The following WDR43 variants were observed in gnomAD, a reference collection of about 807,000 sequenced individuals.
WDR43 encodes WD repeat domain 43, also known as WD repeat-containing protein 43.
In WDR43, 13 loss-of-function variants were observed where a neutral mutation model predicts 91.4. The ratio of observed to expected loss-of-function variants is 0.14; its 90% CI spans 0.09 to 0.23. The LOEUF (loss-of-function observed/expected upper bound fraction) is 0.23, where lower values mean the gene tolerates loss of function less well. WDR43 is among the 10% of genes least tolerant of loss of function. The pLI, the probability that WDR43 is intolerant of heterozygous loss-of-function variation, is 1.00. For synonymous variants in WDR43, 331 were observed against 287.9 expected, an observed-to-expected ratio of 1.15 and a Z score of -1.51; for missense variants, 780 against 809.4, an observed-to-expected ratio of 0.96 and a Z score of 0.44.
chr2:28,933,348 A>C (rs947115264), intron 11 of WDR43, among the ~76,000 whole-genome samples: 2 of 152,194 alleles, frequency 1.3e-5, no homozygotes, highest in Non-Finnish European at 2.9e-5. Context: ...AAAAAAATGG[A>C]TCTCAGTTTT....
chr2:28,942,343 C>G lies in WDR43; in HGVS notation c.1766C>G (p.Thr589Ser). ...GCATCAGAGAAGACAAAGGGAGCAA[C>G]TTCCCCTGGACAGAAGGCAAAGTTG... ...VTASEKTKGA[T>S]SPGQKAKLVY... The change falls in exon 16 of 18, where the codon ACT becomes AGT. Residue 589 changes from threonine (T) to serine (S), a missense_variant. By Grantham distance (58) the Thr-to-Ser change is moderately conservative. Around this residue, in one of 4 missense-constraint regions of WDR43, gnomAD observed 426 missense variants for 467.8 expected, o/e 0.91. Transcript: ENST00000407426. 1.2e-6 allele frequency: 2 copies of G among 1,613,558 alleles called. No individual in the cohort carries two copies. Among genetic ancestry groups the G allele is most frequent in the Non-Finnish European group, 1.7e-6 (2 of 1,179,684 alleles).
chr2:28,901,272 A>T (rs1399219036), intron 1 of WDR43, among the ~76,000 whole-genome samples: 3 of 152,220 alleles, frequency 2.0e-5, no homozygotes, highest in Non-Finnish European at 4.4e-5. Flanking sequence ...AGTTAGGGTC[A>T]TTGTCTTTTT....
intron 1 of WDR43, among the ~76,000 whole-genome samples, chr2:28,898,937 A>G (rs750364290): frequency 6.6e-6 from 1 of 152,184 alleles, no homozygotes; most frequent in African/African-American, 2.4e-5. Context: ...CCTTGCTTTT[A>G]TAAATTATGC....
intron 16 of WDR43, among the ~76,000 whole-genome samples, chr2:28,943,299 A>G (rs557126714): frequency 5.7e-4 from 87 of 152,016 alleles, no homozygotes; most frequent in South Asian, 2.7e-3. Flanking sequence ...TGCCTGGCCA[A>G]TTTTCTTTTT....
intron 3 of WDR43, among the ~76,000 whole-genome samples, chr2:28,909,992 G>C (rs1431855097): frequency 6.7e-6 from 1 of 149,732 alleles, no homozygotes; most frequent in Non-Finnish European, 1.5e-5. Flanking sequence ...CATTCCACTG[G>C]AACCAGTTAC....
chr2:28,925,189 C>T lies in WDR43; in HGVS notation c.1086+36C>T, dbSNP rs550789438. 229 of 1,556,344 alleles carry T rather than the reference C, an allele frequency of 1.5e-4. 1 individual carries two copies. The South Asian group carries it at 2.5e-3, about 17-fold the overall frequency. On this transcript the variant is annotated intron_variant, in intron 8 of 17. Coordinates refer to ENST00000407426, the MANE Select transcript of WDR43 (RefSeq NM_015131.3). Reference sequence around the variant, plus strand: ...GCTACTCTGGAGTAAAGCAATATAGCATCCCTGTGTCCATGGAAGAGAGTG... The same window carrying T: ...GCTACTCTGGAGTAAAGCAATATAGTATCCCTGTGTCCATGGAAGAGAGTG...
chr2:28,943,487 T>A (rs1033787094), intron 16 of WDR43, among the ~76,000 whole-genome samples: 1 of 152,200 alleles, frequency 6.6e-6, no homozygotes, highest in Non-Finnish European at 1.5e-5. Context: ...CCAAGTATAA[T>A]CTTGATAACA....
chr2:28,896,353 A>C (rs1027637965), intron 1 of WDR43, among the ~76,000 whole-genome samples: 1 of 152,120 alleles, frequency 6.6e-6, no homozygotes, highest in African/African-American at 2.4e-5. Flanking sequence ...TATCTTCTTC[A>C]TAGAGTGGTT....
intron 15 of WDR43, 72 bp from the exon 16 acceptor site, chr2:28,942,240 G>T: frequency 6.8e-7 from 1 of 1,460,930 alleles, no homozygotes; most frequent in Non-Finnish European, 9.4e-7. Context: ...GGGAAGGTTG[G>T]GTATGCTGGT....
At chr2:28,906,667 AG>A in intron 3 of WDR43, 86 bp downstream of exon 3, 1 of 1,432,982 alleles carries the variant, frequency 7.0e-7, no homozygotes, top group Non-Finnish European at 9.2e-7. Context: ...ATAAGGTTAT[AG>A]GTTCCATTTA....
chr2:28,925,245 A>T, intron 8 of WDR43, 92 bp downstream of exon 8: 1 of 1,189,886 alleles, frequency 8.4e-7, no homozygotes, highest in Non-Finnish European at 1.1e-6. Context: ...GGTCTTTAAG[A>T]TAAATAATAT....
At position 28,913,957 on chromosome 2, in the gene WDR43, G is replaced by C. The variant is rs545434949; in HGVS notation, c.607-112G>C. ...TTGAATTGAACAGTTACTTCATCGT[G>C]GAGCTCTCCTTTCCGATATGTATCA... On this transcript the variant is annotated intron_variant, in intron 4 of 17. Transcript: ENST00000407426. 7 of 1,218,106 alleles carry C rather than the reference G, an allele frequency of 5.7e-6. No homozygotes were observed. The African/African-American group carries it at 7.6e-5, about 13-fold the overall frequency. 75.5% of individuals were successfully genotyped at this position (1,218,106 alleles called of 1,614,324 possible).
chr2:28,935,244 C>T (rs946004105), intron 11 of WDR43, among the ~76,000 whole-genome samples: 1 of 152,054 alleles, frequency 6.6e-6, no homozygotes, highest in Non-Finnish European at 1.5e-5. Flanking sequence ...ATTCAAACGT[C>T]TAGAGATGTT....
At chr2:28,935,024 A>C (rs998152525) in intron 11 of WDR43, among the ~76,000 whole-genome samples, 3 of 152,138 alleles carry the variant, frequency 2.0e-5, no homozygotes, top group Non-Finnish European at 4.4e-5. Flanking sequence ...CTGGGTCTCC[A>C]CCATAGATGT....
intron 6 of WDR43, among the ~76,000 whole-genome samples, chr2:28,922,659 CTT>C (rs1428642046): frequency 6.6e-6 from 1 of 152,148 alleles, no homozygotes; most frequent in Admixed American, 6.5e-5. Flanking sequence ...TTGGTAGTAA[CTT>C]TGTTCATCTA....
At chr2:28,922,525 C>T (rs933370460) in intron 6 of WDR43, among the ~76,000 whole-genome samples, 2 of 152,008 alleles carry the variant, frequency 1.3e-5, no homozygotes, top group Non-Finnish European at 2.9e-5. Context: ...TTACATTGAC[C>T]GGGGATGGAG....
chr2:28,902,390 A>G (rs1228794147), intron 2 of WDR43, among the ~76,000 whole-genome samples: 5 of 152,254 alleles, frequency 3.3e-5, no homozygotes, highest in Admixed American at 3.3e-4. Flanking sequence ...GGAATCATAG[A>G]TAGCAGCTGT....
At chr2:28,944,491 G>A (rs1438673968) in intron 16 of WDR43, among the ~76,000 whole-genome samples, 9 of 152,186 alleles carry the variant, frequency 5.9e-5, no homozygotes, top group African/African-American at 1.9e-4. Context: ...AAACATATAT[G>A]TAGAGATTAT....
At chr2:28,908,116 T>C (rs1168668530) in intron 3 of WDR43, among the ~76,000 whole-genome samples, 1 of 152,296 alleles carries the variant, frequency 6.6e-6, no homozygotes, top group Non-Finnish European at 1.5e-5. Flanking sequence ...AGTTGGGATA[T>C]TGAGTTTAGT....
Sources: gnomAD v4.1 joint callset for allele counts (sites outside exome capture counted in the v4.1 genomes callset) on GRCh38, gnomAD v4.1.1 for gene constraint, gnomAD v4.1.1 regional missense constraint, MANE v1.5 for transcripts, NCBI Gene and HGNC (gene_info 2026-07-23, HGNC 2026-07-21) for gene names.